ASB15: variants seen among roughly 807,000 people sequenced by gnomAD.
The protein encoded by ASB15 is ankyrin repeat and SOCS box protein 15.
In ASB15, 54 loss-of-function variants were observed where a neutral mutation model predicts 58.0. The ratio of observed to expected loss-of-function variants is 0.93; its 90% CI spans 0.75 to 1.17. ASB15 has a LOEUF of 1.17. Among genes scored for constraint, ASB15 ranks in the 50% most tolerant of loss-of-function variants. The pLI, the probability that ASB15 is intolerant of heterozygous loss-of-function variation, is 0.00. For missense variants in ASB15, 680 were observed against 707.4 expected, an observed-to-expected ratio of 0.96 and a Z score of 0.44; for synonymous variants, 249 against 262.4, an observed-to-expected ratio of 0.95 and a Z score of 0.50.
At chr7:123,619,940 A>T (rs1801129612) in intron 7 of ASB15, 1 of 152,304 alleles carries the variant, frequency 6.6e-6, no homozygotes, top group African/African-American at 2.4e-5. Context: ...GTAACAAAAA[A>T]CAAAAATGCA....
chr7:123,627,601 G>C (rs544601354), intron 9 of ASB15, among the ~76,000 whole-genome samples: 3 of 152,108 alleles, frequency 2.0e-5, no homozygotes, highest in Non-Finnish European at 2.9e-5. Context: ...TTAACAAAAG[G>C]CTACAGTTTC....
At chr7:123,623,932 AAAGAAAG>A (rs1474645207) in intron 7 of ASB15, among the ~76,000 whole-genome samples, 43 of 18,310 alleles carry the variant, frequency 2.3e-3, no homozygotes, top group African/African-American at 0.017. Flanking sequence ...GAAAGAAAGA[AAAGAAAG>A]AAAGAAAGAA....
chr7:123,635,380 G>A (rs536167880), intron 11 of ASB15, among the ~76,000 whole-genome samples: 20 of 152,030 alleles, frequency 1.3e-4, no homozygotes, highest in South Asian at 4.1e-4. Flanking sequence ...GCTTAAAACC[G>A]TCTCTTTTTT....
chr7:123,592,712 G>T (rs1220897781), intron 1 of ASB15, among the ~76,000 whole-genome samples: 1 of 152,064 alleles, frequency 6.6e-6, no homozygotes, highest in Non-Finnish European at 1.5e-5. Context: ...CAATTTTTTG[G>T]TCAATTTCGG....
In ASB15 at chr7:123,628,864, T is replaced by C; in HGVS notation, c.870T>C (p.Leu290=). The C allele has an allele frequency of 6.6e-7, 1 of 1,505,756 alleles. No individual in the cohort carries two copies. Among genetic ancestry groups the C allele is most frequent in the Non-Finnish European group, 8.9e-7 (1 of 1,123,702 alleles). 93.3% of individuals were successfully genotyped at this position (1,505,756 alleles called of 1,614,324 possible). The change falls in exon 10 of 12, where the codon CTT becomes CTC. Residue 290 remains leucine, a splice_region_variant and synonymous_variant. Transcript: ENST00000451215. ...TAGATATTTGACTTTTTTCTTTTAG[T>C]GCACTGAAATATCTTATCCCAGTAA... is the stretch of plus-strand genomic sequence containing the variant. ...IHRAAYEGHY[L]ALKYLIPVTS... is the part of the protein sequence containing the mutation.
Position 123,637,043 on chromosome 7 carries a change from T to C in ASB15, c.*62T>C, listed in dbSNP as rs1584831747. 2 of 1,174,518 alleles carry C rather than the reference T, an allele frequency of 1.7e-6. No individual in the cohort carries two copies. Among genetic ancestry groups the C allele is most frequent in the East Asian group, 5.0e-5 (2 of 40,004 alleles). 72.8% of individuals were successfully genotyped at this position (1,174,518 alleles called of 1,614,324 possible). On this transcript the variant is annotated 3_prime_UTR_variant, in exon 12 of 12. Transcript: ENST00000451215. The stretch of plus-strand genomic sequence containing the variant: ...AAATGTGATTCCCTCAGATAATTTC[T>C]TGTAACCATTTTACATCCTTAATTG...
At chr7:123,620,534 ATATATATATATATATATATATTTT>A (rs1801211028) in intron 7 of ASB15, among the ~76,000 whole-genome samples, 1 of 16,700 alleles carries the variant, frequency 6.0e-5, no homozygotes, top group African/African-American at 2.1e-4. Context: ...ATATATATAT[ATATATATATATATATATATATTTT>A]TTTTTTTTTT....
At chr7:123,614,291 A>G (rs1051377474) in intron 3 of ASB15, 2 of 455,708 alleles carry the variant, frequency 4.4e-6, no homozygotes, top group Non-Finnish European at 7.6e-6. Flanking sequence ...AGGGCAGGTC[A>G]TTAAAGGTTT....
Position 123,608,637 on chromosome 7 carries a change from C to A in ASB15, c.-20C>A, listed in dbSNP as rs186242429. On this transcript the variant is annotated 5_prime_UTR_variant, in exon 3 of 12. Transcript: ENST00000451215. ...AAGGCAAATACCATAAAGAAGGAAT[C>A]GCTGTAACTTATTGCTTGTAAGTAA... is the stretch of plus-strand genomic sequence containing the variant. 1.3e-5 allele frequency: 2 copies of A among 152,248 alleles called. No homozygotes were observed. The highest frequency in any genetic ancestry group is 3.9e-4 in the East Asian group (2 of 5,174). The allele number at this position is 152,248 out of a possible 1,614,324, so 9.4% of individuals were successfully genotyped here.
chr7:123,628,029 C>T (rs1466012292), intron 9 of ASB15, among the ~76,000 whole-genome samples: 2 of 152,194 alleles, frequency 1.3e-5, no homozygotes, highest in East Asian at 3.8e-4. Context: ...CATAAATTCA[C>T]AACAGTAGAC....
At chr7:123,593,361 C>T (rs894999310) in intron 1 of ASB15, among the ~76,000 whole-genome samples, 44 of 152,066 alleles carry the variant, frequency 2.9e-4, no homozygotes, top group African/African-American at 1.1e-3. Flanking sequence ...AGTTTCTTCA[C>T]AGCCTCGATG....
chr7:123,612,764 A>G (rs893567418), intron 3 of ASB15, among the ~76,000 whole-genome samples: 3 of 152,210 alleles, frequency 2.0e-5, no homozygotes, highest in East Asian at 3.9e-4. Flanking sequence ...TTATATTTCA[A>G]TGCTCACTTA....
At position 123,603,441 on chromosome 7, in the gene ASB15, A is replaced by G. The variant is rs368356875; in HGVS notation, c.-244-591A>G. 3.3e-5 allele frequency among the ~76,000 whole-genome samples: 5 copies of G among 152,354 alleles called. No homozygotes were observed. The East Asian group carries it at 7.7e-4, about 23-fold the overall frequency. Reference sequence around the variant, plus strand: ...GTATTACAACAAGGTATTTGACAATATTCCTTGATGATGGTCTTATTATCA... The same window carrying G: ...GTATTACAACAAGGTATTTGACAATGTTCCTTGATGATGGTCTTATTATCA... On this transcript the variant is annotated intron_variant, in intron 1 of 11. Transcript: ENST00000451215.
chr7:123,616,295 A>G, intron 5 of ASB15, 22 bp downstream of exon 5: 1 of 1,609,242 alleles, frequency 6.2e-7, no homozygotes, highest in Non-Finnish European at 8.5e-7. Flanking sequence ...TACTATCTAC[A>G]GTGGGATGGA....
chr7:123,610,115 C>T (rs6466874), intron 3 of ASB15, among the ~76,000 whole-genome samples: 45,187 of 152,040 alleles, frequency 0.3, 6,861 homozygotes, highest in East Asian at 0.4. Context: ...TCATCAAATG[C>T]TGGCTGTTAA....
upstream of ASB15, among the ~76,000 whole-genome samples, chr7:123,599,313 C>A (rs1232568042): frequency 6.6e-6 from 1 of 152,160 alleles, no homozygotes; most frequent in African/African-American, 2.4e-5. Context: ...AGTAGGACTC[C>A]CCAAGGTGTT....
chr7:123,594,043 GA>G (rs1301935831), intron 1 of ASB15, among the ~76,000 whole-genome samples: 1 of 151,670 alleles, frequency 6.6e-6, no homozygotes, highest in Non-Finnish European at 1.5e-5. Flanking sequence ...CATCAATCAC[GA>G]TATCCCTTCT....
At chr7:123,617,454 G>A in intron 6 of ASB15, 125 bp from the exon 7 acceptor site, 1 of 879,962 alleles carries the variant, frequency 1.1e-6, no homozygotes, top group Non-Finnish European at 1.7e-6. Flanking sequence ...TTTTGTCAAA[G>A]TCCTTTCATT....
chr7:123,615,684 A>G (rs1425387291), intron 4 of ASB15, among the ~76,000 whole-genome samples: 1 of 152,200 alleles, frequency 6.6e-6, no homozygotes, highest in African/African-American at 2.4e-5. Context: ...CACTTGTGGA[A>G]CAGTTGATTT....
Sources: allele counts gnomAD v4.1 joint callset (sites outside exome capture counted in the v4.1 genomes callset), GRCh38; gene constraint gnomAD v4.1.1; transcripts MANE v1.5; gene names NCBI Gene and HGNC (gene_info 2026-07-23, HGNC 2026-07-21).